Variants in FGFR1OP2 observed in about 807,000 individuals in gnomAD.
FGFR1OP2 encodes the protein FGFR1 oncogene partner 2.
FGFR1OP2 carries 17 observed loss-of-function variants against 35.2 expected under a neutral mutation model. The observed-to-expected ratio is 0.48, with a 90% CI of 0.33 to 0.73. FGFR1OP2 has a LOEUF of 0.73. FGFR1OP2 is among the 30% of genes least tolerant of loss of function. FGFR1OP2 has a pLI of 0.02. For missense variants in FGFR1OP2, 251 were observed against 307.3 expected, an observed-to-expected ratio of 0.82 and a Z score of 1.37; for synonymous variants, 105 against 104.6, an observed-to-expected ratio of 1.00 and a Z score of -0.03.
In FGFR1OP2 at chr12:26,960,733, A is replaced by G. The variant is rs577663947; in HGVS notation, c.510+105A>G. ...CCTCCCAGATTAGATCAGCAAATAA[A>G]TGAAATTTATTAAAAGAATGTTGTG... is the stretch of plus-strand genomic sequence containing the variant. On this transcript the variant is annotated intron_variant, in intron 5 of 6. Coordinates refer to ENST00000229395, the MANE Select transcript of FGFR1OP2 (RefSeq NM_015633.3). 1.2e-4 allele frequency: 178 copies of G among 1,429,518 alleles called. No homozygotes were observed. The African/African-American group carries it at 2.5e-3, about 20-fold the overall frequency. The allele number at this position is 1,429,518 out of a possible 1,614,324, so 88.6% of individuals were successfully genotyped here. A position where few individuals can be genotyped will look rare whatever the true frequency, so the allele number is the denominator to read the frequency against.
chr12:26,959,466 G>A (rs545402250), intron 4 of FGFR1OP2, among the ~76,000 whole-genome samples: 1 of 152,168 alleles, frequency 6.6e-6, no homozygotes, highest in South Asian at 2.1e-4. Context: ...AAATGTTAAA[G>A]ATCTAAAGCG....
Position 26,964,829 on chromosome 12 carries a change from C to A in FGFR1OP2, c.*96C>A. 1 of 1,400,064 alleles carries A rather than the reference C, an allele frequency of 7.1e-7. No homozygotes were observed. Among genetic ancestry groups the A allele is most frequent in the Non-Finnish European group, 9.8e-7 (1 of 1,021,786 alleles). The allele number at this position is 1,400,064 out of a possible 1,614,324, so 86.7% of individuals were successfully genotyped here. A position where few individuals can be genotyped will look rare whatever the true frequency, so the allele number is the denominator to read the frequency against. On this transcript the variant is annotated 3_prime_UTR_variant, in exon 7 of 7. Coordinates refer to ENST00000229395, the MANE Select transcript of FGFR1OP2 (RefSeq NM_015633.3). ...AAAATTCAATCCTTTATTTTTTTCT[C>A]TGTAAATATGTACAGTGCACGGGCT...
At chr12:26,957,306 G>A (rs1373333446) in intron 3 of FGFR1OP2, among the ~76,000 whole-genome samples, 1 of 152,116 alleles carries the variant, frequency 6.6e-6, no homozygotes, top group Non-Finnish European at 1.5e-5. Flanking sequence ...CCTACCACAT[G>A]CTTGTTTTCT....
Position 26,966,573 on chromosome 12 carries a change from G to C in FGFR1OP2, c.*1840G>C, listed in dbSNP as rs1320470281. 7.0e-6 allele frequency: 1 copy of C among 142,272 alleles called. No homozygotes were observed. The highest frequency in any genetic ancestry group is 1.5e-5 in the Non-Finnish European group (1 of 65,546). The allele number at this position is 142,272 out of a possible 1,614,324, so 8.8% of individuals were successfully genotyped here. A position where few individuals can be genotyped will look rare whatever the true frequency, so the allele number is the denominator to read the frequency against. On this transcript the variant is annotated 3_prime_UTR_variant, in exon 7 of 7. Coordinates refer to ENST00000229395, the MANE Select transcript of FGFR1OP2 (RefSeq NM_015633.3). ...TTTTTTTTTTGGTTGTTGTTAAACAGAACCTTAAGTTTATGTTTGAGGTAT... is the reference window on the plus strand; with the variant it reads ...TTTTTTTTTTGGTTGTTGTTAAACACAACCTTAAGTTTATGTTTGAGGTAT...
intron 1 of FGFR1OP2, among the ~76,000 whole-genome samples, chr12:26,944,965 T>C (rs1938797436): frequency 6.6e-6 from 1 of 152,160 alleles, no homozygotes; most frequent in African/African-American, 2.4e-5. Context: ...GAGGAATTAG[T>C]CCATTTCATT....
intron 1 of FGFR1OP2, among the ~76,000 whole-genome samples, chr12:26,950,213 G>GGT (rs1938898594): frequency 2.0e-5 from 1 of 50,934 alleles, no homozygotes; most frequent in Non-Finnish European, 3.4e-5. Flanking sequence ...TGTATTCGTT[G>GGT]TTTTTTTTTT....
Position 26,952,949 on chromosome 12 carries a change from A to G in FGFR1OP2, c.-14-1196A>G, listed in dbSNP as rs192686230. Among the ~76,000 whole-genome samples, 4 of 152,236 alleles carry G rather than the reference A, an allele frequency of 2.6e-5. No homozygotes were observed. In the East Asian group the frequency reaches 7.7e-4, roughly 29 times the overall value. On this transcript the variant is annotated intron_variant, in intron 1 of 6. Transcript: ENST00000229395. ...GAAAGGATGACTTATATTGAACGTT[A>G]GGTAAAACTTAGTAGAAAGATAAAA...
rs961130765 is a variant in FGFR1OP2 at position 26,965,857 on chromosome 12, A to G, written c.*1124A>G. 1 of 152,058 alleles carries G rather than the reference A, an allele frequency of 6.6e-6. No homozygotes were observed. The highest frequency in any genetic ancestry group is 1.5e-5 in the Non-Finnish European group (1 of 67,948). The allele number at this position is 152,058 out of a possible 1,614,324, so 9.4% of individuals were successfully genotyped here. On this transcript the variant is annotated 3_prime_UTR_variant, in exon 7 of 7. Transcript: ENST00000229395. Reference sequence around the variant, plus strand: ...ATAATATGTAATTTTTTTAAAAACCACCAGATACAGAAATGTGCTTTAACA... The same window carrying G: ...ATAATATGTAATTTTTTTAAAAACCGCCAGATACAGAAATGTGCTTTAACA...
At chr12:26,947,357 A>G (rs1344436775) in intron 1 of FGFR1OP2, among the ~76,000 whole-genome samples, 1 of 152,042 alleles carries the variant, frequency 6.6e-6, no homozygotes, top group Admixed American at 6.6e-5. Flanking sequence ...TCATGTTCTT[A>G]TTAGCCCTCT....
At chr12:26,952,646 T>C (rs1938950951) in intron 1 of FGFR1OP2, among the ~76,000 whole-genome samples, 1 of 151,958 alleles carries the variant, frequency 6.6e-6, no homozygotes, top group Non-Finnish European at 1.5e-5. Context: ...ACTGTTGAGT[T>C]ATTTAAATTT....
In FGFR1OP2 at chr12:26,952,734, C is replaced by G. The variant is rs113583622; in HGVS notation, c.-14-1411C>G. On this transcript the variant is annotated intron_variant, in intron 1 of 6. Coordinates refer to ENST00000229395, the MANE Select transcript of FGFR1OP2 (RefSeq NM_015633.3). ...ATTAATTGGACTAGTTGGTACAGAT[C>G]TGTAGTCCAGGGCAGTGGTATATAA... Among the ~76,000 whole-genome samples, 7 of 143,758 alleles carry G rather than the reference C, an allele frequency of 4.9e-5. 1 individual carries two copies. The highest frequency in any genetic ancestry group is 2.1e-4 in the East Asian group (1 of 4,768). The allele number at this position is 143,758 out of a possible 152,430, so 94.3% of individuals were successfully genotyped here.
intron 4 of FGFR1OP2, among the ~76,000 whole-genome samples, chr12:26,958,996 T>C (rs1276481548): frequency 2.0e-5 from 3 of 152,146 alleles, no homozygotes; most frequent in African/African-American, 7.2e-5. Context: ...ATTTATCTAT[T>C]ATTGAAACAC....
At chr12:26,956,253 G>A (rs1467099263) in intron 2 of FGFR1OP2, among the ~76,000 whole-genome samples, 3 of 151,846 alleles carry the variant, frequency 2.0e-5, no homozygotes, top group African/African-American at 4.8e-5. Flanking sequence ...ATATTGAATT[G>A]CATTCTCCTA....
At chr12:26,953,822 G>A (rs886726528) in intron 1 of FGFR1OP2, 4 of 160,900 alleles carry the variant, frequency 2.5e-5, no homozygotes, top group South Asian at 2.0e-4. Context: ...CCTCATAAAG[G>A]GCAAATTTCT....
intron 4 of FGFR1OP2, among the ~76,000 whole-genome samples, chr12:26,959,329 TATAATA>T (rs1009512907): frequency 2.0e-5 from 3 of 152,116 alleles, no homozygotes; most frequent in African/African-American, 7.2e-5. Flanking sequence ...AATTTAAAGG[TATAATA>T]ATAACTATAG....
chr12:26,962,063 G>A (rs1288026608), intron 5 of FGFR1OP2: 1 of 152,220 alleles, frequency 6.6e-6, no homozygotes, highest in East Asian at 1.9e-4. Flanking sequence ...GTCCAGTGTG[G>A]AAGCCAGTAG....
At chr12:26,957,874 T>G in intron 4 of FGFR1OP2, 131 bp downstream of exon 4, 1 of 648,830 alleles carries the variant, frequency 1.5e-6, no homozygotes, top group Non-Finnish European at 2.3e-6. Context: ...ATGTTTCATC[T>G]TTTTAATTGA....
At chr12:26,938,868 C>T (rs1294161334) in intron 1 of FGFR1OP2, among the ~76,000 whole-genome samples, 158 bp downstream of exon 1, 1 of 152,032 alleles carries the variant, frequency 6.6e-6, no homozygotes, top group Non-Finnish European at 1.5e-5. Context: ...TCCTGGGAGC[C>T]GGACTTCCTC....
chr12:26,953,268 CAAAAAAAAAA>C (rs10714749), intron 1 of FGFR1OP2, among the ~76,000 whole-genome samples: 2 of 78,314 alleles, frequency 2.6e-5, no homozygotes, highest in South Asian at 4.7e-4. Context: ...ACTGTGTCTC[CAAAAAAAAAA>C]AAAAAAAAAA....
Sources: allele counts gnomAD v4.1 joint callset (sites outside exome capture counted in the v4.1 genomes callset), GRCh38; gene constraint gnomAD v4.1.1; transcripts MANE v1.5; gene names NCBI Gene and HGNC (gene_info 2026-07-23, HGNC 2026-07-21).